Variants in SEPTIN10 observed in about 807,000 individuals in gnomAD.
SEPTIN10 encodes the protein septin-10.
A neutral mutation model predicts 54.8 loss-of-function variants in SEPTIN10; 66 were observed. The ratio of observed to expected loss-of-function variants is 1.21; its 90% confidence interval spans 0.99 to 1.48. SEPTIN10 has a LOEUF of 1.48. Ranked by LOEUF, SEPTIN10 falls within the 40% of genes most tolerant of loss-of-function variation. SEPTIN10 has a pLI of 0.00. For missense variants in SEPTIN10, 620 were observed against 545.6 expected (o/e 1.14, Z -1.36); for synonymous variants, 161 against 181.0 (o/e 0.89, Z 0.89).
At chr2:109,590,082 G>GTATATATACACACACATATATATT (rs1693642296) in intron 2 of SEPTIN10, among the ~76,000 whole-genome samples, 5 of 145,156 alleles carry the variant, frequency 3.4e-5, no homozygotes, top group Non-Finnish European at 6.0e-5. Flanking sequence ...ACATATATAT[G>GTATATATACACACACATATATATT]TATATATATA....
At chr2:109,568,769 C>CT (rs1189445898) in intron 5 of SEPTIN10, among the ~76,000 whole-genome samples, 1 of 152,162 alleles carries the variant, frequency 6.6e-6, no homozygotes, top group Non-Finnish European at 1.5e-5. Flanking sequence ...TGAAGCTTCT[C>CT]TTTGTGCCTC....
intron 2 of SEPTIN10, among the ~76,000 whole-genome samples, chr2:109,589,108 T>G (rs1287909724): frequency 1.3e-5 from 2 of 151,716 alleles, no homozygotes; most frequent in African/African-American, 4.9e-5. Flanking sequence ...TGTGGTTTTT[T>G]TGTTTGTTTG....
chr2:109,593,756 T>G (rs1694638602), intron 1 of SEPTIN10, among the ~76,000 whole-genome samples: 1 of 152,154 alleles, frequency 6.6e-6, no homozygotes, highest in South Asian at 2.1e-4. Flanking sequence ...AAATCAGGTA[T>G]GTTCCACTGC....
intron 5 of SEPTIN10, among the ~76,000 whole-genome samples, chr2:109,571,217 T>C (rs948484124): frequency 6.6e-6 from 1 of 152,222 alleles, no homozygotes; most frequent in African/African-American, 2.4e-5. Context: ...GAACTGTAAG[T>C]CAATTAAACC....
At chr2:109,565,359 C>CT (rs1225578566) in intron 7 of SEPTIN10, among the ~76,000 whole-genome samples, 1 of 152,052 alleles carries the variant, frequency 6.6e-6, no homozygotes. Context: ...GTAGATTTAA[C>CT]TTTTTAAGTT....
chr2:109,558,466 G>A (rs981311481), intron 8 of SEPTIN10, among the ~76,000 whole-genome samples: 1 of 152,222 alleles, frequency 6.6e-6, no homozygotes, highest in South Asian at 2.1e-4. Context: ...GTGATTAACT[G>A]TGGGAAAGAG....
At chr2:109,612,126 C>A (rs1699388028) in intron 1 of SEPTIN10, among the ~76,000 whole-genome samples, 1 of 152,000 alleles carries the variant, frequency 6.6e-6, no homozygotes, top group Admixed American at 6.5e-5. Context: ...TGGAATACTA[C>A]CCCAGCAAAC....
intron 1 of SEPTIN10, among the ~76,000 whole-genome samples, chr2:109,599,395 T>C (rs1172818031): frequency 6.7e-6 from 1 of 150,186 alleles, no homozygotes; most frequent in Non-Finnish European, 1.5e-5. Context: ...GAGGCGGAGG[T>C]TGCAGTGAGC....
intron 4 of SEPTIN10, among the ~76,000 whole-genome samples, chr2:109,578,788 A>G (rs143607712): frequency 1.6e-4 from 25 of 152,178 alleles, no homozygotes; most frequent in Non-Finnish European, 3.5e-4. Context: ...AAAAAAAGAA[A>G]TTTACTGAAA....
At chr2:109,573,757 T>C (rs1478545125) in intron 5 of SEPTIN10, among the ~76,000 whole-genome samples, 2 of 152,236 alleles carry the variant, frequency 1.3e-5, no homozygotes, top group Non-Finnish European at 2.9e-5. Context: ...CTTTAGCCAT[T>C]TTTTAAACAA....
At chr2:109,579,583 A>C (rs951738865) in intron 4 of SEPTIN10, among the ~76,000 whole-genome samples, 2 of 151,498 alleles carry the variant, frequency 1.3e-5, no homozygotes, top group Non-Finnish European at 2.9e-5. Context: ...GGGTTTCACC[A>C]TGCTGGTCAG....
rs34358135 is a variant in SEPTIN10, at chr2:109,556,658, CT to C, written c.1029-3440del. ...CAGGCCTTTTTTTTTCTGTTGTGAT[CT>C]TTTTTTTTAAAGAAGCCCCTATATT... On this transcript the variant is annotated intron_variant, in intron 8 of 10. Transcript: ENST00000397712. Among the ~76,000 whole-genome samples, 24 of 151,014 alleles carry C rather than the reference CT, an allele frequency of 1.6e-4. No individual in the cohort carries two copies. The South Asian group carries it at 4.8e-3, about 30-fold the overall frequency.
At chr2:109,576,827 A>G (rs865813313) in intron 4 of SEPTIN10, among the ~76,000 whole-genome samples, 144 of 152,324 alleles carry the variant, frequency 9.5e-4, no homozygotes, top group African/African-American at 3.3e-3. Flanking sequence ...ATTAAGAGTA[A>G]AAGACACAGA....
intron 10 of SEPTIN10, chr2:109,545,786 T>G: frequency 7.0e-7 from 1 of 1,427,612 alleles, no homozygotes. Context: ...ACTGATCCTT[T>G]TCACACTGTG....
chr2:109,568,131 G>C (rs1048986769), intron 5 of SEPTIN10, among the ~76,000 whole-genome samples, 155 bp from the exon 6 acceptor site: 1 of 151,894 alleles, frequency 6.6e-6, no homozygotes, highest in Non-Finnish European at 1.5e-5. Flanking sequence ...TGTTGATCTT[G>C]ATACATAAAG....
chr2:109,606,969 A>T (rs914472842), intron 1 of SEPTIN10, among the ~76,000 whole-genome samples: 6 of 152,168 alleles, frequency 3.9e-5, no homozygotes, highest in Admixed American at 1.3e-4. Flanking sequence ...TTCTTTCATG[A>T]ATAGTGAAGA....
intron 9 of SEPTIN10, 46 bp downstream of exon 9, chr2:109,553,041 G>A (rs931816472): frequency 1.5e-5 from 24 of 1,587,642 alleles, no homozygotes; most frequent in Non-Finnish European, 2.0e-5. Flanking sequence ...AAATTAATAG[G>A]ACATCTAAAA....
At position 109,583,991 on chromosome 2, in the gene SEPTIN10, G is replaced by A. The variant is rs535735905; in HGVS notation, c.413+1135C>T. ...AACAACAGACACTGGGACTACTAGA[G>A]TGGGAAGGAAGATACCCGGTAAAGG... On this transcript the variant is annotated intron_variant, in intron 4 of 10. Transcript: ENST00000397712. Among the ~76,000 whole-genome samples the A allele has an allele frequency of 3.3e-5, 5 of 152,296 alleles. No individual in the cohort carries two copies. The East Asian group carries it at 9.7e-4, about 29-fold the overall frequency.
chr2:109,610,006 G>C (rs1227813934), intron 1 of SEPTIN10, among the ~76,000 whole-genome samples: 1 of 151,962 alleles, frequency 6.6e-6, no homozygotes, highest in Non-Finnish European at 1.5e-5. Flanking sequence ...GAGCATGGTG[G>C]AGATAATGGC....
Sources: gnomAD v4.1 joint callset for allele counts (sites outside exome capture counted in the v4.1 genomes callset) on GRCh38, gnomAD v4.1.1 for gene constraint, MANE v1.5 for transcripts, NCBI Gene and HGNC (gene_info 2026-07-23, HGNC 2026-07-21) for gene names.